The following GUCY1A2 variants were observed in gnomAD, a reference collection of about 807,000 sequenced individuals.
GUCY1A2 encodes guanylate cyclase 1 soluble subunit alpha 2.
Under a neutral mutation model 63.5 loss-of-function variants are expected in GUCY1A2, and 27 were observed. The observed-to-expected ratio is 0.43, with a 90% CI of 0.31 to 0.59. The LOEUF is 0.59. Among genes scored for constraint, GUCY1A2 ranks in the 20% least tolerant of loss-of-function variants. The probability of loss-of-function intolerance (pLI) is 0.11; values close to 1 mark genes in which losing one functional copy is unlikely to be tolerated. For missense variants in GUCY1A2, 768 were observed against 913.3 expected, an observed-to-expected ratio of 0.84 and a Z score of 2.05; for synonymous variants, 364 against 343.5, an observed-to-expected ratio of 1.06 and a Z score of -0.66.
chr11:106,806,496 T>TTGCTTCAATAGTCAA (rs1858688533), intron 5 of GUCY1A2, among the ~76,000 whole-genome samples: 1 of 152,198 alleles, frequency 6.6e-6, no homozygotes, highest in African/African-American at 2.4e-5. Context: ...GTACATGAAT[T>TTGCTTCAATAGTCAA]TGCTTCAATA....
intron 4 of GUCY1A2, among the ~76,000 whole-genome samples, chr11:106,872,730 C>A (rs1302681510): frequency 6.6e-6 from 1 of 152,156 alleles, no homozygotes; most frequent in Non-Finnish European, 1.5e-5. Flanking sequence ...ATTTAAGTCC[C>A]AATTCTTCAG....
chr11:106,727,567 A>G (rs958110608), intron 6 of GUCY1A2, among the ~76,000 whole-genome samples: 10 of 152,222 alleles, frequency 6.6e-5, no homozygotes, highest in African/African-American at 2.4e-4. Flanking sequence ...CACAGTACTC[A>G]GGTCACATTT....
chr11:106,788,200 C>T (rs1474049690), intron 5 of GUCY1A2, among the ~76,000 whole-genome samples: 7 of 152,030 alleles, frequency 4.6e-5, no homozygotes, highest in African/African-American at 1.7e-4. Flanking sequence ...AATATCTACT[C>T]AGACCTTTTG....
intron 7 of GUCY1A2, among the ~76,000 whole-genome samples, chr11:106,690,576 G>A (rs1473307270): frequency 1.3e-5 from 2 of 152,068 alleles, no homozygotes; most frequent in Admixed American, 1.3e-4. Flanking sequence ...TAACTAATGG[G>A]CAGTAGTCTT....
chr11:106,794,519 G>C lies in GUCY1A2; in HGVS notation c.1692+15474C>G, dbSNP rs577397312. ...CACTACACACACACACACACACACA[G>C]AAACACAAAGGTAATTATGTCTGAT... is the stretch of plus-strand genomic sequence containing the variant. On this transcript the variant is annotated intron_variant, in intron 5 of 7. Transcript: ENST00000526355. 1.1e-3 allele frequency among the ~76,000 whole-genome samples: 159 copies of C among 148,000 alleles called. 2 individuals carry two copies. Among genetic ancestry groups the C allele is most frequent in the African/African-American group, 3.5e-3 (141 of 40,410 alleles).
intron 3 of GUCY1A2, among the ~76,000 whole-genome samples, chr11:106,948,229 AT>A (rs1303665039): frequency 6.6e-6 from 1 of 152,170 alleles, no homozygotes; most frequent in African/African-American, 2.4e-5. Context: ...TTAATCCCAA[AT>A]AACTTTATGT....
Position 106,740,930 on chromosome 11 carries a change from C to T in GUCY1A2, c.1837-32264G>A, listed in dbSNP as rs147486683. On this transcript the variant is annotated intron_variant, in intron 6 of 7. Coordinates refer to ENST00000526355, the MANE Select transcript of GUCY1A2 (RefSeq NM_000855.3). Reference sequence around the variant, plus strand: ...TCAGGTGATCCACCTGTCTTGGCCTCCCAAAGTGCTGGGATTACAAGCATG... The same window carrying T: ...TCAGGTGATCCACCTGTCTTGGCCTTCCAAAGTGCTGGGATTACAAGCATG... 1.4e-3 allele frequency among the ~76,000 whole-genome samples: 217 copies of T among 152,244 alleles called. 1 individual carries two copies. The highest frequency in any genetic ancestry group is 4.7e-3 in the African/African-American group (197 of 41,534).
At chr11:106,898,453 T>C (rs1403404543) in intron 4 of GUCY1A2, among the ~76,000 whole-genome samples, 4 of 152,168 alleles carry the variant, frequency 2.6e-5, no homozygotes, top group Non-Finnish European at 4.4e-5. Context: ...CAAGATGTCC[T>C]TCTATAGGTG....
intron 6 of GUCY1A2, among the ~76,000 whole-genome samples, chr11:106,764,398 A>G (rs1294922134): frequency 3.3e-5 from 5 of 152,086 alleles, no homozygotes; most frequent in African/African-American, 9.7e-5. Context: ...TTGAAGTCAA[A>G]CAGATTTGAA....
At chr11:106,717,286 T>C (rs902161295) in intron 6 of GUCY1A2, among the ~76,000 whole-genome samples, 2 of 152,162 alleles carry the variant, frequency 1.3e-5, no homozygotes, top group African/African-American at 4.8e-5. Context: ...CTTTCTTAGG[T>C]GGGCTGTTAG....
intron 1 of GUCY1A2, among the ~76,000 whole-genome samples, chr11:107,013,657 C>G (rs969633879): frequency 6.6e-6 from 1 of 152,038 alleles, no homozygotes; most frequent in Non-Finnish European, 1.5e-5. Context: ...AAGCGATTCT[C>G]GAGCCTCAGC....
chr11:106,764,613 T>G (rs531769398), intron 6 of GUCY1A2, among the ~76,000 whole-genome samples: 23 of 152,164 alleles, frequency 1.5e-4, no homozygotes, highest in South Asian at 1.0e-3. Flanking sequence ...TACATGTAAA[T>G]AATTATACAG....
intron 4 of GUCY1A2, among the ~76,000 whole-genome samples, chr11:106,815,305 A>T (rs1858816318): frequency 6.6e-6 from 1 of 152,052 alleles, no homozygotes; most frequent in African/African-American, 2.4e-5. Flanking sequence ...AGAAATCCAC[A>T]TTCATATCCT....
chr11:106,751,393 A>T (rs1389313759), intron 6 of GUCY1A2, among the ~76,000 whole-genome samples: 2 of 151,892 alleles, frequency 1.3e-5, no homozygotes, highest in Non-Finnish European at 2.9e-5. Context: ...GTTTATAAAG[A>T]CTCTTTCGAA....
In GUCY1A2 at chr11:106,693,387, T is replaced by TATC. The variant is rs200713085; in HGVS notation, c.1992-5634_1992-5632dup. On this transcript the variant is annotated intron_variant, in intron 7 of 7. Transcript: ENST00000526355. Reference sequence around the variant, plus strand: ...ATGTGAATTTTCTCCTAGTCTTTTTTATCATCATCATCATCATCATCGTCG... The same window carrying TATC: ...ATGTGAATTTTCTCCTAGTCTTTTTTATCATCATCATCATCATCATCATCGTCG... 6.9e-3 allele frequency among the ~76,000 whole-genome samples: 1,049 copies of TATC among 152,112 alleles called. 4 individuals are homozygous for TATC. Among genetic ancestry groups the TATC allele is most frequent in the Middle Eastern group, 0.031 (9 of 294 alleles).
chr11:106,848,722 A>G (rs1408900186), intron 4 of GUCY1A2, among the ~76,000 whole-genome samples: 4 of 151,610 alleles, frequency 2.6e-5, no homozygotes, highest in Non-Finnish European at 1.5e-5. Flanking sequence ...TCCAAAAATG[A>G]TTTTATAACA....
At chr11:106,790,089 C>T (rs1864631106) in intron 5 of GUCY1A2, among the ~76,000 whole-genome samples, 1 of 152,230 alleles carries the variant, frequency 6.6e-6, no homozygotes, top group Non-Finnish European at 1.5e-5. Flanking sequence ...CTTTGCTTCA[C>T]TGCAGTGAGT....
rs1385098386 is a variant in GUCY1A2 at position 106,939,828 on chromosome 11, C to T, written c.838G>A (p.Val280Ile). ...QVANEKLCSD[V>I]SNPGNCSCLT... is the part of the protein sequence containing the mutation. Reference sequence around the variant, plus strand: ...CAGCTACAATTGCCTGGGTTTGAAACATCAGAGCATAGCTTCTCATTTGCA... The same window carrying T: ...CAGCTACAATTGCCTGGGTTTGAAATATCAGAGCATAGCTTCTCATTTGCA... Residue 280 changes from valine to isoleucine, a missense_variant, in exon 4 of 8, where the codon GTT becomes ATT. Around this residue, in one of 3 missense-constraint regions of GUCY1A2, gnomAD observed 496 missense variants for 486.9 expected, o/e 1.02. Coordinates refer to ENST00000526355, the MANE Select transcript of GUCY1A2 (RefSeq NM_000855.3). The T allele has an allele frequency of 1.9e-6, 3 of 1,613,776 alleles. No homozygotes were observed. The highest frequency in any genetic ancestry group is 1.7e-6 in the Non-Finnish European group (2 of 1,179,704).
At chr11:106,854,576 G>A (rs11211946) in intron 4 of GUCY1A2, among the ~76,000 whole-genome samples, 30,385 of 152,040 alleles carry the variant, frequency 0.2, 3,952 homozygotes, top group East Asian at 0.53. Flanking sequence ...TAAGGCGGAC[G>A]AACCCTCAGG....
Sources: allele counts gnomAD v4.1 joint callset (sites outside exome capture counted in the v4.1 genomes callset), GRCh38; gene constraint gnomAD v4.1.1; regional missense constraint gnomAD v4.1.1; transcripts MANE v1.5; gene names NCBI Gene and HGNC (gene_info 2026-07-23, HGNC 2026-07-21).